Variants in STXBP5 observed in about 807,000 individuals in gnomAD.
The protein encoded by STXBP5 is syntaxin-binding protein 5.
Under a neutral mutation model 152.4 loss-of-function variants are expected in STXBP5, and 50 were observed. The ratio of observed to expected loss-of-function variants is 0.33; its 90% CI spans 0.26 to 0.42. The LOEUF (loss-of-function observed/expected upper bound fraction) is 0.42. Among genes scored for constraint, STXBP5 ranks in the 10% least tolerant of loss-of-function variants. STXBP5 has a pLI of 1.00. For synonymous variants in STXBP5, 492 were observed against 494.7 expected, an observed-to-expected ratio of 0.99 and a Z score of 0.07; for missense variants, 1,167 against 1,388.6, an observed-to-expected ratio of 0.84 and a Z score of 2.54.
chr6:147,254,423 A>G (rs1779255500), intron 4 of STXBP5, among the ~76,000 whole-genome samples: 1 of 152,262 alleles, frequency 6.6e-6, no homozygotes, highest in Non-Finnish European at 1.5e-5. Flanking sequence ...CAATGGCAAC[A>G]AAAGCCAAAA....
chr6:147,378,794 A>G (rs1435130211), intron 26 of STXBP5, among the ~76,000 whole-genome samples: 1 of 152,208 alleles, frequency 6.6e-6, no homozygotes, highest in Non-Finnish European at 1.5e-5. Flanking sequence ...GTAATAAAAA[A>G]TGAAAAACTT....
intron 22 of STXBP5, among the ~76,000 whole-genome samples, chr6:147,355,837 T>C (rs1427432109): frequency 1.3e-5 from 2 of 152,206 alleles, no homozygotes; most frequent in Non-Finnish European, 2.9e-5. Flanking sequence ...CTAGAGCTAC[T>C]AAAATTAAAC....
At chr6:147,240,654 C>A (rs1353840653) in intron 4 of STXBP5, among the ~76,000 whole-genome samples, 13 of 152,066 alleles carry the variant, frequency 8.5e-5, no homozygotes, top group Admixed American at 8.5e-4. Context: ...AATGTGAGAA[C>A]AGTATAGTTA....
At chr6:147,320,576 TG>T (rs1562485131) in intron 16 of STXBP5, among the ~76,000 whole-genome samples, 41 of 129,440 alleles carry the variant, frequency 3.2e-4, no homozygotes, top group African/African-American at 9.9e-4. Context: ...TGTGTGTGTG[TG>T]TGTGTGTGTG....
At chr6:147,270,074 G>A (rs1780081993) in intron 7 of STXBP5, among the ~76,000 whole-genome samples, 1 of 152,046 alleles carries the variant, frequency 6.6e-6, no homozygotes, top group African/African-American at 2.4e-5. Flanking sequence ...AATTTTAAAA[G>A]CCACATTAAG....
intron 19 of STXBP5, among the ~76,000 whole-genome samples, chr6:147,338,108 C>T (rs988146629): frequency 6.6e-6 from 1 of 152,034 alleles, no homozygotes; most frequent in African/African-American, 2.4e-5. Flanking sequence ...CCAATTACAT[C>T]GTAGGTATTT....
At chr6:147,364,292 T>G (rs575981942) in intron 25 of STXBP5, 126 bp downstream of exon 25, 1 of 792,146 alleles carries the variant, frequency 1.3e-6, no homozygotes, top group African/African-American at 1.7e-5. Flanking sequence ...TCCAGACTGT[T>G]GAATTAGACT....
chr6:147,215,293 T>G (rs779396972), intron 2 of STXBP5, among the ~76,000 whole-genome samples: 1 of 152,270 alleles, frequency 6.6e-6, no homozygotes, highest in Non-Finnish European at 1.5e-5. Context: ...CATTTTTAAA[T>G]TTAAACTTCA....
In STXBP5 at chr6:147,243,035, T is replaced by C. The variant is rs370657139; in HGVS notation, c.431+3765T>C. ...TGGTTTTTGCTTTTTTTGGCCATTA[T>C]GAATAAAGCTGTTATAAATATTCAC... On this transcript the variant is annotated intron_variant, in intron 4 of 27. Transcript: ENST00000321680. 5.3e-5 allele frequency among the ~76,000 whole-genome samples: 8 copies of C among 152,228 alleles called. No individual in the cohort carries two copies. The South Asian group carries it at 1.2e-3, about 24-fold the overall frequency.
At chr6:147,271,049 G>A (rs58756001) in intron 7 of STXBP5, among the ~76,000 whole-genome samples, 2,717 of 152,190 alleles carry the variant, frequency 0.018, 69 homozygotes, top group African/African-American at 0.061. Context: ...CCAGAGGAAG[G>A]TAGAAGGGAA....
At chr6:147,246,690 C>G (rs116841115) in intron 4 of STXBP5, among the ~76,000 whole-genome samples, 5,381 of 151,958 alleles carry the variant, frequency 0.035, 145 homozygotes, top group Admixed American at 0.054. Context: ...TAGAGAATAA[C>G]ATAAGTGTGC....
In STXBP5 at chr6:147,385,413, T is replaced by G. The variant is rs2128425064; in HGVS notation, c.*658T>G. On this transcript the variant is annotated 3_prime_UTR_variant, in exon 28 of 28. Coordinates refer to ENST00000321680, the MANE Select transcript of STXBP5 (RefSeq NM_001127715.4). ...AGACTTGTATTTAGTTCATATTTTG[T>G]CAAAAGCAAAACAAGAAGATACATC... The G allele has an allele frequency of 6.6e-6, 1 of 152,206 alleles. No homozygotes were observed. The highest frequency in any genetic ancestry group is 3.4e-3 in the Middle Eastern group (1 of 294). 9.4% of individuals were successfully genotyped at this position (152,206 alleles called of 1,614,324 possible).
intron 12 of STXBP5, 103 bp from the exon 13 acceptor site, chr6:147,314,159 AAT>A (rs1782519276): frequency 7.1e-7 from 1 of 1,417,348 alleles, no homozygotes; most frequent in African/African-American, 1.5e-5. Context: ...TTGCAAGCAA[AAT>A]ATGTTTTTCA....
intron 8 of STXBP5, among the ~76,000 whole-genome samples, chr6:147,288,787 C>T (rs1464892585): frequency 6.6e-6 from 1 of 152,114 alleles, no homozygotes; most frequent in African/African-American, 2.4e-5. Flanking sequence ...GGCTTTAGAA[C>T]AGGGAAGAAA....
At chr6:147,327,316 T>C (rs1457189697) in intron 18 of STXBP5, 40 bp downstream of exon 18, 1 of 1,585,142 alleles carries the variant, frequency 6.3e-7, no homozygotes. Context: ...CTTTAGGATT[T>C]CTATAAATGC....
intron 8 of STXBP5, among the ~76,000 whole-genome samples, chr6:147,289,527 C>T (rs1054712466): frequency 1.1e-4 from 16 of 151,750 alleles, no homozygotes; most frequent in Admixed American, 2.6e-4. Context: ...TGTAGGAATT[C>T]GCTAGGGAAA....
At chr6:147,334,745 G>T (rs577503547) in intron 19 of STXBP5, among the ~76,000 whole-genome samples, 8 of 151,902 alleles carry the variant, frequency 5.3e-5, no homozygotes, top group African/African-American at 1.7e-4. Context: ...CATTTCAAAA[G>T]AATATTAATT....
intron 2 of STXBP5, among the ~76,000 whole-genome samples, chr6:147,219,222 C>G (rs1777335162): frequency 1.3e-5 from 2 of 152,054 alleles, no homozygotes. Flanking sequence ...AAAATGTTTT[C>G]TAAATGTTTT....
At position 147,315,528 on chromosome 6, in the gene STXBP5, A is replaced by G. The variant is rs1463826931; in HGVS notation, c.1416A>G (p.Val472=). The change falls in exon 15 of 28, where the codon GTA becomes GTG. Residue 472 remains valine, a synonymous_variant. Transcript: ENST00000321680. The part of the protein sequence containing the change: ...FWDASAITLQ[V]LYKLKTSKVF... The stretch of plus-strand genomic sequence containing the variant: ...TCTTTTTTCCAGTAACTCTACAAGT[A>G]TTATATAAGCTAAAGACATCTAAAG... 1.2e-6 allele frequency: 2 copies of G among 1,605,864 alleles called. No individual in the cohort carries two copies. Among genetic ancestry groups the G allele is most frequent in the South Asian group, 2.2e-5 (2 of 90,766 alleles).
Sources: gnomAD v4.1 joint callset for allele counts (sites outside exome capture counted in the v4.1 genomes callset) on GRCh38, gnomAD v4.1.1 for gene constraint, MANE v1.5 for transcripts, NCBI Gene and HGNC (gene_info 2026-07-23, HGNC 2026-07-21) for gene names.